Variants in COX4I1 observed in about 807,000 individuals in gnomAD.
COX4I1 encodes cytochrome c oxidase subunit 4I1.
A neutral mutation model predicts 21.7 loss-of-function variants in COX4I1; 18 were observed. That is an observed-to-expected ratio of 0.83 (90% CI 0.57 to 1.23). The LOEUF (loss-of-function observed/expected upper bound fraction) is 1.23, where lower values mean the gene tolerates loss of function less well. Among genes scored for constraint, COX4I1 ranks in the 50% most tolerant of loss-of-function variants. The pLI, the probability that COX4I1 is intolerant of heterozygous loss-of-function variation, is 0.00. For missense variants in COX4I1, 238 were observed against 220.7 expected (o/e 1.08, Z -0.50); for synonymous variants, 100 against 81.5 (o/e 1.23, Z -1.23).
chr16:85,803,984 C>A (rs1295578523), intron 2 of COX4I1: 1 of 152,272 alleles, frequency 6.6e-6, no homozygotes, highest in African/African-American at 2.4e-5. Context: ...TTGTTTTCCA[C>A]TTCTAGAAGT....
chr16:85,807,014 C>G lies in COX4I1; in HGVS notation c.*140C>G. ...CAGTTTACCTGAAACCCTTTGTGATCAGTTCTTTAATGATACCTAAATGAA... is the reference window on the plus strand; with the variant it reads ...CAGTTTACCTGAAACCCTTTGTGATGAGTTCTTTAATGATACCTAAATGAA... On this transcript the variant is annotated 3_prime_UTR_variant, in exon 5 of 5. Transcript: ENST00000253452. 11 of 848,478 alleles carry G rather than the reference C, an allele frequency of 1.3e-5. No individual in the cohort carries two copies. The Middle Eastern group carries it at 9.8e-4, about 76-fold the overall frequency. 52.6% of individuals were successfully genotyped at this position (848,478 alleles called of 1,614,324 possible). A position where few individuals can be genotyped will look rare whatever the true frequency, so the allele number is the denominator to read the frequency against.
At chr16:85,806,035 G>A (rs537458885) in intron 4 of COX4I1, 171 bp downstream of exon 4, 27 of 894,622 alleles carry the variant, frequency 3.0e-5, no homozygotes, top group Non-Finnish European at 4.1e-5. Context: ...AACTGAAGTC[G>A]TGGGAGGTTA....
intron 1 of COX4I1, among the ~76,000 whole-genome samples, chr16:85,800,242 CTTGT>C (rs1905591091): frequency 6.6e-6 from 1 of 152,238 alleles, no homozygotes; most frequent in East Asian, 1.9e-4. Context: ...TGACGTCATG[CTTGT>C]TTATTCTGCC....
intron 1 of COX4I1, among the ~76,000 whole-genome samples, chr16:85,800,307 A>G (rs971439272): frequency 6.6e-6 from 1 of 152,178 alleles, no homozygotes; most frequent in African/African-American, 2.4e-5. Context: ...CGAAGGGTCG[A>G]TTTAAAGGGG....
chr16:85,805,794 G>A lies in COX4I1; in HGVS notation c.303G>A (p.Lys101=). The A allele has an allele frequency of 6.2e-7, 1 of 1,614,258 alleles. No individual in the cohort carries two copies. The highest frequency in any genetic ancestry group is 8.5e-7 in the Non-Finnish European group (1 of 1,180,034). Residue 101 remains lysine (K), a synonymous_variant, in exon 4 of 5, where the codon AAG becomes AAA. Transcript: ENST00000253452. The part of the protein sequence containing the change: ...AEMNRGSNEW[K]TVVGGAMFFI... Reference sequence around the variant, plus strand: ...TGAACAGGGGCTCGAACGAGTGGAAGACGGTTGTGGGCGGTGCCATGTTCT... The same window carrying A: ...TGAACAGGGGCTCGAACGAGTGGAAAACGGTTGTGGGCGGTGCCATGTTCT...
chr16:85,800,911 AC>A (rs1905681291), intron 1 of COX4I1, among the ~76,000 whole-genome samples: 1 of 152,188 alleles, frequency 6.6e-6, no homozygotes, highest in South Asian at 2.1e-4. Context: ...GGCGTGAGCC[AC>A]CGCGCCCGGC....
rs777325740 is a variant in COX4I1, at chr16:85,806,862, G to C, written c.498G>C (p.Glu166Asp). 2 of 1,613,558 alleles carry C rather than the reference G, an allele frequency of 1.2e-6. No homozygotes were observed. The highest frequency in any genetic ancestry group is 2.2e-5 in the South Asian group (2 of 91,002). ...LASKWDYEKN[E>D]WKK ...CCAAGTGGGACTACGAAAAGAACGA[G>C]TGGAAGAAGTGAGAGATGCTGGCCT... is the stretch of plus-strand genomic sequence containing the variant. Residue 166 changes from glutamate (E) to aspartate (D), a missense_variant, in exon 5 of 5, where the codon GAG (glutamate) becomes GAC (aspartate). Glu to Asp is a conservative substitution (Grantham distance 45). Transcript: ENST00000253452.
chr16:85,806,895 C>A lies in COX4I1; in HGVS notation c.*21C>A. The A allele has an allele frequency of 6.2e-7, 1 of 1,603,214 alleles. No homozygotes were observed. Among genetic ancestry groups the A allele is most frequent in the Non-Finnish European group, 8.5e-7 (1 of 1,173,796 alleles). On this transcript the variant is annotated 3_prime_UTR_variant, in exon 5 of 5. Transcript: ENST00000253452. ...AGTGAGAGATGCTGGCCTGCGCCTG[C>A]ACCTGCGCCTGGCTCTGTCACCGCC... is the stretch of plus-strand genomic sequence containing the variant.
intron 2 of COX4I1, chr16:85,804,063 G>A (rs891024758): frequency 1.3e-5 from 2 of 152,278 alleles, no homozygotes; most frequent in African/African-American, 4.8e-5. Flanking sequence ...TGCCTTGCCT[G>A]TAGAGGGTGC....
At chr16:85,802,196 G>A (rs1276197586) in intron 2 of COX4I1, among the ~76,000 whole-genome samples, 3 of 152,150 alleles carry the variant, frequency 2.0e-5, no homozygotes, top group African/African-American at 7.2e-5. Flanking sequence ...TCCTCCCGTA[G>A]AGCCCCGAGT....
chr16:85,801,567 C>T (rs1027296383), intron 2 of COX4I1, among the ~76,000 whole-genome samples: 7 of 152,078 alleles, frequency 4.6e-5, no homozygotes, highest in African/African-American at 9.7e-5. Context: ...TCTTCTGCAC[C>T]ATAACTGACT....
rs765564558 is a variant in COX4I1, at chr16:85,806,731, A to C, written c.374-7A>C. On this transcript the variant is annotated splice_polypyrimidine_tract_variant and splice_region_variant and intron_variant, in intron 4 of 4. Transcript: ENST00000253452. Reference sequence around the variant, plus strand: ...AGTCTTGCCCCATAACCTGTCTCACACCGTAGTGTACGGCCCCCTCCCGCA... The same window carrying C: ...AGTCTTGCCCCATAACCTGTCTCACCCCGTAGTGTACGGCCCCCTCCCGCA... 3.8e-5 allele frequency: 61 copies of C among 1,613,886 alleles called. 1 individual carries two copies. In the South Asian group the frequency reaches 5.8e-4, roughly 15 times the overall value.
chr16:85,803,192 A>G (rs1905906538), intron 2 of COX4I1: 1 of 152,222 alleles, frequency 6.6e-6, no homozygotes, highest in Non-Finnish European at 1.5e-5. Flanking sequence ...AGTGTTCTTT[A>G]TAGTTCACTC....
intron 3 of COX4I1, 130 bp downstream of exon 3, chr16:85,805,234 C>T (rs182645016): frequency 3.2e-4 from 301 of 946,026 alleles, no homozygotes; most frequent in South Asian, 1.3e-3. Flanking sequence ...TGCTGGGTTT[C>T]GGGGTCACTG....
At chr16:85,804,124 C>T (rs1231459760) in intron 2 of COX4I1, 4 of 152,296 alleles carry the variant, frequency 2.6e-5, no homozygotes. Context: ...TTTCTAAGAG[C>T]TAGCACGATT....
At chr16:85,802,516 TA>T (rs1314065357) in intron 2 of COX4I1, among the ~76,000 whole-genome samples, 4 of 149,316 alleles carry the variant, frequency 2.7e-5, no homozygotes, top group Non-Finnish European at 4.4e-5. Flanking sequence ...ATAACTTACG[TA>T]AGTCATACAT....
Position 85,806,937 on chromosome 16 carries a change from A to G in COX4I1, c.*63A>G. The G allele has an allele frequency of 6.5e-7, 1 of 1,544,794 alleles. No homozygotes were observed. The highest frequency in any genetic ancestry group is 8.8e-7 in the Non-Finnish European group (1 of 1,138,314). ...GTCACCGCCATGCAACTCCATGCCT[A>G]TTTACTGGAAACCTGTTATGCCAAA... is the stretch of plus-strand genomic sequence containing the variant. On this transcript the variant is annotated 3_prime_UTR_variant, in exon 5 of 5. Coordinates refer to ENST00000253452, the MANE Select transcript of COX4I1 (RefSeq NM_001861.6).
intron 2 of COX4I1, among the ~76,000 whole-genome samples, chr16:85,801,534 C>G (rs535383381): frequency 3.3e-5 from 5 of 151,674 alleles, no homozygotes; most frequent in South Asian, 2.1e-4. Context: ...TTTTAAGCTT[C>G]GAGATCTACC....
chr16:85,806,733 C>T lies in COX4I1; in HGVS notation c.374-5C>T, dbSNP rs752962325. 47 of 1,613,868 alleles carry T rather than the reference C, an allele frequency of 2.9e-5. No individual in the cohort carries two copies. Among genetic ancestry groups the T allele is most frequent in the Middle Eastern group, 1.6e-4 (1 of 6,078 alleles). On this transcript the variant is annotated splice_polypyrimidine_tract_variant and splice_region_variant and intron_variant, in intron 4 of 4. Transcript: ENST00000253452. ...TCTTGCCCCATAACCTGTCTCACACCGTAGTGTACGGCCCCCTCCCGCAAA... is the reference window on the plus strand; with the variant it reads ...TCTTGCCCCATAACCTGTCTCACACTGTAGTGTACGGCCCCCTCCCGCAAA...
Sources: gnomAD v4.1 joint callset for allele counts (sites outside exome capture counted in the v4.1 genomes callset) on GRCh38, gnomAD v4.1.1 for gene constraint, MANE v1.5 for transcripts, NCBI Gene and HGNC (gene_info 2026-07-23, HGNC 2026-07-21) for gene names.